The following ADAMTS20 variants were observed in gnomAD, a reference collection of about 807,000 sequenced individuals.
ADAMTS20 encodes the protein A disintegrin and metalloproteinase with thrombospondin motifs 20.
Under a neutral mutation model 260.1 loss-of-function variants are expected in ADAMTS20, and 225 were observed. The observed-to-expected ratio is 0.87, with a 90% CI of 0.78 to 0.97. The LOEUF is 0.97. ADAMTS20 is among the 50% of genes least tolerant of loss of function. The probability of loss-of-function intolerance (pLI) is 0.00; values close to 1 mark genes in which losing one functional copy is unlikely to be tolerated. For missense variants in ADAMTS20, 2,400 were observed against 2,337.7 expected (o/e 1.03, Z -0.55); for synonymous variants, 802 against 769.5 (o/e 1.04, Z -0.70).
rs141716150 is a variant in ADAMTS20, at chr12:43,462,812, TAACA to T, written c.1614+79_1614+82del. 3.4e-3 allele frequency: 3,942 copies of T among 1,143,110 alleles called. 96 individuals are homozygous for T. In the African/African-American group the frequency reaches 0.054, roughly 16 times the overall value. 70.8% of individuals were successfully genotyped at this position (1,143,110 alleles called of 1,614,324 possible). A position where few individuals can be genotyped will look rare whatever the true frequency, so the allele number is the denominator to read the frequency against. The stretch of plus-strand genomic sequence containing the variant: ...TAGCTGAAGAAAAGTTGACAGCAAA[TAACA>T]AACAGAGTGCTAAAATGCAGAGCAA... On this transcript the variant is annotated intron_variant, in intron 11 of 38. Transcript: ENST00000389420.
At position 43,532,117 on chromosome 12, in the gene ADAMTS20, C is replaced by A. The variant is rs774122536; in HGVS notation, c.532G>T (p.Gly178Cys). Residue 178 changes from glycine (G) to cysteine (C), a missense_variant, in exon 3 of 39, where the codon GGT (glycine) becomes TGT (cysteine). Gly to Cys is a radical substitution (Grantham distance 159, BLOSUM62 -3). Transcript: ENST00000389420. Reference sequence around the variant, plus strand: ...TATATAAGATGTGGCTTGTTGTGACCATCTTCATATTCATTCCCATCTGCC... The same window carrying A: ...TATATAAGATGTGGCTTGTTGTGACAATCTTCATATTCATTCCCATCTGCC... ...MKADGNEYED[G>C]HNKPHLIYRQ... 1 of 1,611,816 alleles carries A rather than the reference C, an allele frequency of 6.2e-7. No individual in the cohort carries two copies. The highest frequency in any genetic ancestry group is 2.2e-5 in the East Asian group (1 of 44,796).
At chr12:43,502,045 A>C in intron 4 of ADAMTS20, 107 bp downstream of exon 4, 11 of 1,077,570 alleles carry the variant, frequency 1.0e-5, no homozygotes, top group Non-Finnish European at 1.4e-5. Context: ...AAACCTAGAT[A>C]CAAAATTACA....
At chr12:43,454,115 T>G (rs762505150) in intron 11 of ADAMTS20, 63 bp from the exon 12 acceptor site, 52 of 1,549,560 alleles carry the variant, frequency 3.4e-5, no homozygotes, top group Non-Finnish European at 4.5e-5. Flanking sequence ...TCACAAAAAT[T>G]ATAATAGCAG....
At chr12:43,460,489 G>C (rs1942040125) in intron 11 of ADAMTS20, among the ~76,000 whole-genome samples, 1 of 152,032 alleles carries the variant, frequency 6.6e-6, no homozygotes, top group East Asian at 1.9e-4. Context: ...CTCCATTGCT[G>C]GGGGGAGTCT....
intron 36 of ADAMTS20, among the ~76,000 whole-genome samples, chr12:43,374,034 AG>A (rs1940168025): frequency 6.6e-6 from 1 of 152,124 alleles, no homozygotes; most frequent in African/African-American, 2.4e-5. Flanking sequence ...GGAAAGAAAA[AG>A]GAAATGAAGA....
At chr12:43,489,716 A>G (rs556202525) in intron 7 of ADAMTS20, among the ~76,000 whole-genome samples, 2 of 151,920 alleles carry the variant, frequency 1.3e-5, no homozygotes, top group Non-Finnish European at 2.9e-5. Context: ...TGGCACAGGC[A>G]TCTTAATCCT....
chr12:43,462,647 T>A (rs926917047), intron 11 of ADAMTS20, among the ~76,000 whole-genome samples: 1 of 152,244 alleles, frequency 6.6e-6, no homozygotes, highest in African/African-American at 2.4e-5. Flanking sequence ...GATAACTATA[T>A]ATCCATGTAA....
In ADAMTS20 at chr12:43,440,041, A is replaced by C; in HGVS notation, c.2319T>G (p.Leu773=). ...TACTTAGAAGAAAATTTCCATTGAA[A>C]AGAAAATTCCCTTCAGCGTCAGATA... ...LALSDAEGNF[L]FNGNFLLSTS... The change falls in exon 17 of 39, where the codon CTT becomes CTG. Residue 773 remains leucine, a synonymous_variant. Transcript: ENST00000389420. 6.4e-7 allele frequency: 1 copy of C among 1,560,916 alleles called. No individual in the cohort carries two copies. Among genetic ancestry groups the C allele is most frequent in the Non-Finnish European group, 8.7e-7 (1 of 1,151,500 alleles).
intron 7 of ADAMTS20, among the ~76,000 whole-genome samples, chr12:43,486,617 A>G (rs947829876): frequency 6.6e-6 from 1 of 152,214 alleles, no homozygotes; most frequent in African/African-American, 2.4e-5. Flanking sequence ...ACAGCAAAAG[A>G]AATAATCATC....
chr12:43,529,480 G>C (rs1288919168), intron 3 of ADAMTS20, among the ~76,000 whole-genome samples: 1 of 152,138 alleles, frequency 6.6e-6, no homozygotes, highest in African/African-American at 2.4e-5. Flanking sequence ...CCACAAAAAG[G>C]CATGAAATAA....
intron 28 of ADAMTS20, among the ~76,000 whole-genome samples, chr12:43,416,451 C>T (rs1941131302): frequency 6.6e-6 from 1 of 151,658 alleles, no homozygotes; most frequent in Non-Finnish European, 1.5e-5. Flanking sequence ...ATATTTCTAA[C>T]TTTATGCCCA....
intron 28 of ADAMTS20, among the ~76,000 whole-genome samples, chr12:43,399,728 G>T (rs1416570885): frequency 6.6e-6 from 1 of 152,074 alleles, no homozygotes; most frequent in East Asian, 1.9e-4. Context: ...TTTTTTAACA[G>T]CATTTCAGTT....
intron 14 of ADAMTS20, among the ~76,000 whole-genome samples, chr12:43,452,000 C>G (rs1303593832): frequency 2.0e-5 from 3 of 152,056 alleles, no homozygotes; most frequent in African/African-American, 7.2e-5. Flanking sequence ...TTTTAGGAAG[C>G]TGACCTCATT....
At chr12:43,438,405 TA>T (rs1565698569) in intron 18 of ADAMTS20, among the ~76,000 whole-genome samples, 1 of 152,198 alleles carries the variant, frequency 6.6e-6, no homozygotes, top group African/African-American at 2.4e-5. Context: ...TCTGTCAAAA[TA>T]AATTTTTCCT....
At chr12:43,419,033 G>A (rs578032031) in intron 28 of ADAMTS20, among the ~76,000 whole-genome samples, 1 of 152,180 alleles carries the variant, frequency 6.6e-6, no homozygotes, top group South Asian at 2.1e-4. Flanking sequence ...GAAACAAAAT[G>A]TTCAAAACTA....
intron 37 of ADAMTS20, among the ~76,000 whole-genome samples, chr12:43,365,450 C>G (rs766027378): frequency 6.6e-6 from 1 of 151,860 alleles, no homozygotes; most frequent in Non-Finnish European, 1.5e-5. Flanking sequence ...TATTATTGAC[C>G]TGTAATATAT....
intron 14 of ADAMTS20, among the ~76,000 whole-genome samples, chr12:43,447,815 A>T (rs1941790736): frequency 6.6e-6 from 1 of 152,120 alleles, no homozygotes; most frequent in African/African-American, 2.4e-5. Context: ...AAATCAATGT[A>T]CAAAACTTAC....
intron 37 of ADAMTS20, among the ~76,000 whole-genome samples, chr12:43,365,985 C>T (rs1302157796): frequency 1.3e-5 from 2 of 151,604 alleles, no homozygotes; most frequent in Non-Finnish European, 3.0e-5. Flanking sequence ...TGAACAAAGA[C>T]AACATGAAAC....
chr12:43,413,383 T>C (rs1327786452), intron 28 of ADAMTS20, among the ~76,000 whole-genome samples: 1 of 152,156 alleles, frequency 6.6e-6, no homozygotes, highest in Non-Finnish European at 1.5e-5. Context: ...AATTTTTCAA[T>C]GTTTACACCT....
Sources: gnomAD v4.1 joint callset for allele counts (sites outside exome capture counted in the v4.1 genomes callset) on GRCh38, gnomAD v4.1.1 for gene constraint, MANE v1.5 for transcripts, NCBI Gene and HGNC (gene_info 2026-07-23, HGNC 2026-07-21) for gene names.